The following TNNI3K variants were observed in gnomAD, a reference collection of about 807,000 sequenced individuals.
TNNI3K encodes TNNI3 interacting kinase, also known as serine/threonine-protein kinase TNNI3K.
Under a neutral mutation model 114.5 loss-of-function variants are expected in TNNI3K, and 140 were observed. That is an observed-to-expected ratio of 1.22 (90% CI 1.07 to 1.41). TNNI3K has a LOEUF of 1.41. Ranked by LOEUF, TNNI3K falls within the 40% of genes most tolerant of loss-of-function variation. The pLI is 0.00. For synonymous variants in TNNI3K, 347 were observed against 347.5 expected (o/e 1.00, Z 0.02); for missense variants, 1,125 against 1,007.6 (o/e 1.12, Z -1.58).
At chr1:74,355,370 C>G (rs908324096) in intron 11 of TNNI3K, among the ~76,000 whole-genome samples, 10 of 152,094 alleles carry the variant, frequency 6.6e-5, no homozygotes, top group Non-Finnish European at 1.2e-4. Context: ...CTTTGGGAGG[C>G]CATGGTGGGC....
At chr1:74,391,538 A>G (rs931501965) in intron 17 of TNNI3K, among the ~76,000 whole-genome samples, 2 of 152,220 alleles carry the variant, frequency 1.3e-5, no homozygotes, top group Non-Finnish European at 2.9e-5. Flanking sequence ...AATAAAAACC[A>G]AGAGGTCTTT....
rs1451611822 is a variant in TNNI3K, at chr1:74,312,690, T to A, written c.445-18760T>A. On this transcript the variant is annotated intron_variant, in intron 5 of 24. Transcript: ENST00000326637. ...AACTGTCCAAGTTAAGCCTTATCAA[T>A]GATCCTTTTGGCCACCTCTGTCTTG... Among the ~76,000 whole-genome samples the A allele has an allele frequency of 3.9e-5, 6 of 152,332 alleles. No homozygotes were observed. In the South Asian group the frequency reaches 1.0e-3, roughly 26 times the overall value.
chr1:74,238,856 G>A (rs959271788), intron 2 of TNNI3K, among the ~76,000 whole-genome samples: 2 of 152,024 alleles, frequency 1.3e-5, no homozygotes, highest in Non-Finnish European at 2.9e-5. Flanking sequence ...GGCCTCTTAT[G>A]TTAATGGAGA....
chr1:74,284,423 A>G (rs748556764), intron 5 of TNNI3K, among the ~76,000 whole-genome samples: 1 of 152,172 alleles, frequency 6.6e-6, no homozygotes, highest in Non-Finnish European at 1.5e-5. Flanking sequence ...CACTTGGCCC[A>G]TCTGCTACTT....
chr1:74,531,845 A>G (rs1256289623), intron 23 of TNNI3K, among the ~76,000 whole-genome samples: 5 of 152,220 alleles, frequency 3.3e-5, no homozygotes, highest in Admixed American at 3.3e-4. Context: ...TAATATTATC[A>G]CATAGGTAAC....
chr1:74,310,911 A>G (rs1658955795), intron 5 of TNNI3K, among the ~76,000 whole-genome samples: 1 of 152,138 alleles, frequency 6.6e-6, no homozygotes, highest in Non-Finnish European at 1.5e-5. Flanking sequence ...CTCGTTCTAT[A>G]CAGAGGATGG....
intron 23 of TNNI3K, among the ~76,000 whole-genome samples, chr1:74,532,097 G>A (rs749197199): frequency 2.6e-5 from 4 of 152,130 alleles, no homozygotes; most frequent in African/African-American, 9.7e-5. Context: ...GCTGTGTTTA[G>A]GAAGATGAAT....
chr1:74,345,776 G>A (rs1031225705), intron 9 of TNNI3K: 1 of 152,104 alleles, frequency 6.6e-6, no homozygotes, highest in Non-Finnish European at 1.5e-5. Context: ...GGAAACTACA[G>A]GAAAAGAACA....
chr1:74,510,963 C>T (rs1670180234), intron 23 of TNNI3K, among the ~76,000 whole-genome samples: 1 of 152,210 alleles, frequency 6.6e-6, no homozygotes, highest in Non-Finnish European at 1.5e-5. Flanking sequence ...TCTTGGCTCA[C>T]TGCAACCTCT....
chr1:74,523,170 T>C (rs892787255), intron 23 of TNNI3K, among the ~76,000 whole-genome samples: 4 of 152,186 alleles, frequency 2.6e-5, no homozygotes, highest in African/African-American at 9.6e-5. Context: ...GAAAACAATA[T>C]ATATAATAAT....
At chr1:74,253,063 A>G (rs2100852688) in intron 4 of TNNI3K, among the ~76,000 whole-genome samples, 1 of 152,308 alleles carries the variant, frequency 6.6e-6, no homozygotes, top group Middle Eastern at 3.4e-3. Context: ...TCCCTGAGCT[A>G]GACACAAAAG....
rs1265448412 is a variant in TNNI3K at position 74,297,821 on chromosome 1, A to C, written c.444+26113A>C. Reference sequence around the variant, plus strand: ...TTTATGACCTAGCCTTGAAAGTCACATAGCATCACTTTTATTGTACTCTAT... The same window carrying C: ...TTTATGACCTAGCCTTGAAAGTCACCTAGCATCACTTTTATTGTACTCTAT... On this transcript the variant is annotated intron_variant, in intron 5 of 24. Transcript: ENST00000326637. Among the ~76,000 whole-genome samples, 5 of 152,150 alleles carry C rather than the reference A, an allele frequency of 3.3e-5. No individual in the cohort carries two copies. In the South Asian group the frequency reaches 6.2e-4, roughly 19 times the overall value.
intron 2 of TNNI3K, among the ~76,000 whole-genome samples, chr1:74,248,354 C>T (rs745328458): frequency 2.0e-4 from 31 of 152,142 alleles, no homozygotes; most frequent in Admixed American, 1.8e-3. Context: ...AGAGGGGCTC[C>T]CACAGTGCAG....
At chr1:74,277,885 G>A (rs914177783) in intron 5 of TNNI3K, among the ~76,000 whole-genome samples, 9 of 152,014 alleles carry the variant, frequency 5.9e-5, no homozygotes, top group Non-Finnish European at 7.4e-5. Flanking sequence ...TTTTCAAATT[G>A]TAAACACTTA....
rs45578635 is a variant in TNNI3K at position 74,540,236 on chromosome 1, C to G, written c.2354C>G (p.Ala785Gly). The change falls in exon 24 of 25, where the codon GCT becomes GGT. Residue 785 changes from alanine (A) to glycine (G), a missense_variant and splice_region_variant. Coordinates refer to ENST00000326637, the MANE Select transcript of TNNI3K (RefSeq NM_015978.3). ...ACTGTGTTTTATTAATTTTCCAGTGCTGGACAATATTCCTCTCAAGGTCTG... is the reference window on the plus strand; with the variant it reads ...ACTGTGTTTTATTAATTTTCCAGTGGTGGACAATATTCCTCTCAAGGTCTG... Reference protein sequence around the residue: ...ARSYAALSQSAGQYSSQGLSL... With the variant: ...ARSYAALSQSGGQYSSQGLSL... The G allele has an allele frequency of 1.2e-6, 2 of 1,611,588 alleles. No homozygotes were observed. The highest frequency in any genetic ancestry group is 1.7e-6 in the Non-Finnish European group (2 of 1,178,694).
At chr1:74,299,979 C>T (rs904306073) in intron 5 of TNNI3K, among the ~76,000 whole-genome samples, 2 of 152,098 alleles carry the variant, frequency 1.3e-5, no homozygotes, top group Non-Finnish European at 2.9e-5. Context: ...CATTTTTGTT[C>T]ATATTCAAGA....
chr1:74,472,417 C>T lies in TNNI3K; in HGVS notation c.2121+8867C>T, dbSNP rs527452341. Among the ~76,000 whole-genome samples the T allele has an allele frequency of 5.3e-5, 8 of 152,156 alleles. No individual in the cohort carries two copies. In the East Asian group the frequency reaches 7.7e-4, roughly 15 times the overall value. ...TTTATGGTCACACTGCAGTCAGTTG[C>T]GATGCTGACTTAAAAGTTGTGGAGT... On this transcript the variant is annotated intron_variant, in intron 21 of 24. Coordinates refer to ENST00000326637, the MANE Select transcript of TNNI3K (RefSeq NM_015978.3).
intron 17 of TNNI3K, among the ~76,000 whole-genome samples, chr1:74,393,958 C>T (rs1259380304): frequency 1.3e-5 from 2 of 152,194 alleles, no homozygotes; most frequent in East Asian, 3.9e-4. Context: ...TGCCACTCAT[C>T]TCCTGCTGTG....
intron 17 of TNNI3K, chr1:74,375,431 T>A (rs1662857198): frequency 2.6e-6 from 1 of 379,784 alleles, no homozygotes; most frequent in Admixed American, 2.7e-5. Flanking sequence ...GACTAACAAA[T>A]TAGCCACAAG....
Sources: allele counts gnomAD v4.1 joint callset (sites outside exome capture counted in the v4.1 genomes callset), GRCh38; gene constraint gnomAD v4.1.1; transcripts MANE v1.5; gene names NCBI Gene and HGNC (gene_info 2026-07-23, HGNC 2026-07-21).